Variants in LAT observed in about 807,000 individuals in gnomAD.
LAT encodes linker for activation of T cells, also known as linker for activation of T-cells family member 1.
Under a neutral mutation model 39.1 loss-of-function variants are expected in LAT, and 12 were observed. The ratio of observed to expected loss-of-function variants is 0.31; its 90% CI spans 0.20 to 0.50. The LOEUF is 0.50. LAT is among the 20% of genes least tolerant of loss of function. The pLI, the probability that LAT is intolerant of heterozygous loss-of-function variation, is 0.98. For synonymous variants in LAT, 117 were observed against 123.8 expected, an observed-to-expected ratio of 0.95 and a Z score of 0.36; for missense variants, 253 against 308.0, an observed-to-expected ratio of 0.82 and a Z score of 1.34.
Position 28,985,533 on chromosome 16 carries a change from G to A in LAT, c.100+16G>A. ...AGACTGCCAGGTGAGTGGGAAACTG[G>A]TGGGGGTACCCAGGGCCCAGGGACA... On this transcript the variant is annotated intron_variant, in intron 1 of 11. Coordinates refer to ENST00000395456, the MANE Select transcript of LAT (RefSeq NM_001014987.2). The surrounding 1 kb of genome is among the most constrained non-coding windows in gnomAD (Gnocchi z 4.6). 2 of 1,612,126 alleles carry A rather than the reference G, an allele frequency of 1.2e-6. No individual in the cohort carries two copies. Among genetic ancestry groups the A allele is most frequent in the East Asian group, 2.2e-5 (1 of 44,846 alleles).
upstream of LAT, chr16:28,984,898 C>T (rs1334733928): frequency 2.6e-6 from 4 of 1,548,678 alleles, no homozygotes; most frequent in Non-Finnish European, 3.5e-6. Context: ...GGTGGCTGTC[C>T]CCGTCTTGGG....
intron 8 of LAT, 70 bp from the exon 9 acceptor site, chr16:28,989,457 G>A: frequency 7.1e-7 from 1 of 1,414,916 alleles, no homozygotes; most frequent in Non-Finnish European, 9.7e-7. Context: ...GCTGAGGTTG[G>A]GGGTTCTCTG....
chr16:28,985,083 G>C lies in LAT; in HGVS notation c.-335G>C. The C allele has an allele frequency of 7.0e-7, 1 of 1,427,500 alleles. No individual in the cohort carries two copies. Among genetic ancestry groups the C allele is most frequent in the Non-Finnish European group, 9.1e-7 (1 of 1,095,606 alleles). The allele number at this position is 1,427,500 out of a possible 1,614,324, so 88.4% of individuals were successfully genotyped here. A position where few individuals can be genotyped will look rare whatever the true frequency, so the allele number is the denominator to read the frequency against. Reference sequence around the variant, plus strand: ...TCCTGCCGCAGGCGGGCGGGAGGGCGGGCACGGAGAGGCGGGCGCCGAGGA... The same window carrying C: ...TCCTGCCGCAGGCGGGCGGGAGGGCCGGCACGGAGAGGCGGGCGCCGAGGA... On this transcript the variant is annotated 5_prime_UTR_variant, in exon 1 of 12. Coordinates refer to ENST00000395456, the MANE Select transcript of LAT (RefSeq NM_001014987.2). This position sits in a 1 kb window ranked among gnomAD's most constrained non-coding sequence, Gnocchi z 4.6.
chr16:28,989,877 C>G (rs1373929371), intron 10 of LAT, 38 bp downstream of exon 10: 1 of 1,613,958 alleles, frequency 6.2e-7, no homozygotes, highest in Admixed American at 1.7e-5. Flanking sequence ...GGGGTAGCTG[C>G]TTTGGGCTTG....
rs1411067316 is a variant in LAT, at chr16:28,986,321, T to G, written c.246-61T>G. ...TTGGATTGGGGGCCCCTTTCCCTTT[T>G]GCAACTGCTGTTGCCCCCTGAGCCC... is the stretch of plus-strand genomic sequence containing the variant. On this transcript the variant is annotated intron_variant, in intron 4 of 11. Coordinates refer to ENST00000395456, the MANE Select transcript of LAT (RefSeq NM_001014987.2). This position sits in a 1 kb window ranked among gnomAD's most constrained non-coding sequence, Gnocchi z 5.7. The G allele has an allele frequency of 1.9e-6, 3 of 1,595,798 alleles. No homozygotes were observed. In the Admixed American group the frequency reaches 5.1e-5, roughly 27 times the overall value.
rs546066720 is a variant in LAT, at chr16:28,990,458, G to A, written c.*277G>A. ...AGGCCTGCGTGTGTCTGTGTTGAGC[G>A]TGCGTCTGTGTGTGCCTGTGTGCGA... On this transcript the variant is annotated 3_prime_UTR_variant, in exon 12 of 12. Coordinates refer to ENST00000395456, the MANE Select transcript of LAT (RefSeq NM_001014987.2). 5 of 342,482 alleles carry A rather than the reference G, an allele frequency of 1.5e-5. No individual in the cohort carries two copies. Among genetic ancestry groups the A allele is most frequent in the East Asian group, 8.1e-5 (1 of 12,368 alleles). The allele number at this position is 342,482 out of a possible 1,614,324, so 21.2% of individuals were successfully genotyped here. A position where few individuals can be genotyped will look rare whatever the true frequency, so the allele number is the denominator to read the frequency against.
Position 28,990,579 on chromosome 16 carries a change from C to A in LAT, c.*398C>A, listed in dbSNP as rs776362054. ...GCTCAGCCAGGTGCTGTGACACCCC[C>A]CTTCTGAATGAAGCCTTCTGACCTG... On this transcript the variant is annotated 3_prime_UTR_variant, in exon 12 of 12. Transcript: ENST00000395456. The A allele has an allele frequency of 2.5e-5, 6 of 244,892 alleles. No individual in the cohort carries two copies. The highest frequency in any genetic ancestry group is 8.1e-6 in the Non-Finnish European group (1 of 123,530). The allele number at this position is 244,892 out of a possible 1,614,324, so 15.2% of individuals were successfully genotyped here.
At chr16:28,989,197 C>A in intron 8 of LAT, 1 of 259,048 alleles carries the variant, frequency 3.9e-6, no homozygotes, top group Non-Finnish European at 7.4e-6. Context: ...CCCACTGCTC[C>A]GAGCCGCACT....
rs139206035 is a variant in LAT, at chr16:28,986,822, C to T, written c.422C>T (p.Pro141Leu). The T allele has an allele frequency of 3.8e-4, 613 of 1,614,072 alleles. No individual in the cohort carries two copies. The highest frequency in any genetic ancestry group is 4.7e-4 in the Non-Finnish European group (549 of 1,179,970). ...GYLVVLPDSTPATSTAAPSAP... is the reference protein window; with the variant it reads ...GYLVVLPDSTLATSTAAPSAP... ...AGGGTGGTGCTTCCTGACAGCACCCCGGCCACTAGCACTGCTGCCCCATCA... is the reference window on the plus strand; with the variant it reads ...AGGGTGGTGCTTCCTGACAGCACCCTGGCCACTAGCACTGCTGCCCCATCA... Residue 141 changes from proline to leucine, a missense_variant, in exon 8 of 12, where the codon CCG becomes CTG. Pro to Leu is a moderately conservative substitution (Grantham distance 98). Coordinates refer to ENST00000395456, the MANE Select transcript of LAT (RefSeq NM_001014987.2). This position sits in a 1 kb window ranked among gnomAD's most constrained non-coding sequence, Gnocchi z 5.7.
At position 28,986,276 on chromosome 16, in the gene LAT, C is replaced by G; in HGVS notation, c.245+60C>G. 2 of 1,541,034 alleles carry G rather than the reference C, an allele frequency of 1.3e-6. No individual in the cohort carries two copies. Among genetic ancestry groups the G allele is most frequent in the Non-Finnish European group, 1.8e-6 (2 of 1,125,610 alleles). ...TCAGCCCCTCCCCCTCCAAACTCCA[C>G]TCTCTACCCCTTCACTTTTTTGGAT... On this transcript the variant is annotated intron_variant, in intron 4 of 11. Coordinates refer to ENST00000395456, the MANE Select transcript of LAT (RefSeq NM_001014987.2). This position sits in a 1 kb window ranked among gnomAD's most constrained non-coding sequence, Gnocchi z 5.7.
At chr16:28,989,308 C>T (rs1005889092) in intron 8 of LAT, 3 of 552,430 alleles carry the variant, frequency 5.4e-6, no homozygotes, top group Non-Finnish European at 9.6e-6. Context: ...TCTCCACAGC[C>T]CTTGCCCTTG....
chr16:28,989,381 C>T (rs1175518462), intron 8 of LAT, 146 bp from the exon 9 acceptor site: 2 of 679,066 alleles, frequency 2.9e-6, no homozygotes, highest in Non-Finnish European at 5.1e-6. Context: ...TCTCTTCATT[C>T]TGTGGGGCTA....
intron 9 of LAT, 64 bp downstream of exon 9, chr16:28,989,653 T>A: frequency 6.3e-7 from 1 of 1,586,246 alleles, no homozygotes; most frequent in South Asian, 1.1e-5. Context: ...GCTCTCAGTG[T>A]GACCAGATCC....
chr16:28,986,979 G>A lies in LAT; in HGVS notation c.493+86G>A. The stretch of plus-strand genomic sequence containing the variant: ...TGCCATTGTAGCTCGCTGCAGCCTT[G>A]AACTCCTGGGCTCCAGTGATCCTCC... On this transcript the variant is annotated intron_variant, in intron 8 of 11. Coordinates refer to ENST00000395456, the MANE Select transcript of LAT (RefSeq NM_001014987.2). The surrounding 1 kb of genome is among the most constrained non-coding windows in gnomAD (Gnocchi z 5.7). The A allele has an allele frequency of 8.9e-7, 1 of 1,122,422 alleles. No individual in the cohort carries two copies. Among genetic ancestry groups the A allele is most frequent in the Non-Finnish European group, 1.3e-6 (1 of 783,046 alleles). 69.5% of individuals were successfully genotyped at this position (1,122,422 alleles called of 1,614,324 possible).
rs562491820 is a variant in LAT, at chr16:28,990,042, A to C, written c.*7+23A>C. The C allele has an allele frequency of 3.8e-6, 6 of 1,588,536 alleles. No individual in the cohort carries two copies. The South Asian group carries it at 6.8e-5, about 18-fold the overall frequency. On this transcript the variant is annotated intron_variant, in intron 11 of 11. Coordinates refer to ENST00000395456, the MANE Select transcript of LAT (RefSeq NM_001014987.2). Reference sequence around the variant, plus strand: ...CTGGTGAGAGGCCTGCCCTGTCCCCACCCTGCCCTGGGCCCACAGGCTCTA... The same window carrying C: ...CTGGTGAGAGGCCTGCCCTGTCCCCCCCCTGCCCTGGGCCCACAGGCTCTA...
Position 28,990,395 on chromosome 16 carries a change from C to G in LAT, c.*214C>G, listed in dbSNP as rs1159027239. On this transcript the variant is annotated 3_prime_UTR_variant, in exon 12 of 12. Transcript: ENST00000395456. ...CCTTCTGACGCAGCCTGAGAATGAC[C>G]TGCCCTGGCCCCAGCCCTACTCTGT... is the stretch of plus-strand genomic sequence containing the variant. The G allele has an allele frequency of 2.3e-6, 1 of 430,526 alleles. No homozygotes were observed. The highest frequency in any genetic ancestry group is 4.5e-6 in the Non-Finnish European group (1 of 220,218). 26.7% of individuals were successfully genotyped at this position (430,526 alleles called of 1,614,324 possible). A position where few individuals can be genotyped will look rare whatever the true frequency, so the allele number is the denominator to read the frequency against.
At chr16:28,988,531 C>G (rs914545884) in intron 8 of LAT, 1 of 152,000 alleles carries the variant, frequency 6.6e-6, no homozygotes, top group Non-Finnish European at 1.5e-5. Flanking sequence ...GCCAACATGG[C>G]GAAACCCAGT....
Position 28,986,957 on chromosome 16 carries a change from C to T in LAT, c.493+64C>T. The stretch of plus-strand genomic sequence containing the variant: ...GGGATAGGCTGGAGTGCAGTGGTGC[C>T]ATTGTAGCTCGCTGCAGCCTTGAAC... On this transcript the variant is annotated intron_variant, in intron 8 of 11. Coordinates refer to ENST00000395456, the MANE Select transcript of LAT (RefSeq NM_001014987.2). This position sits in a 1 kb window ranked among gnomAD's most constrained non-coding sequence, Gnocchi z 5.7. 1 of 1,336,228 alleles carries T rather than the reference C, an allele frequency of 7.5e-7. No individual in the cohort carries two copies. The allele number at this position is 1,336,228 out of a possible 1,614,324, so 82.8% of individuals were successfully genotyped here.
chr16:28,985,555 G>T lies in LAT; in HGVS notation c.100+38G>T, dbSNP rs376181529. 3 of 1,607,362 alleles carry T rather than the reference G, an allele frequency of 1.9e-6. No homozygotes were observed. Among genetic ancestry groups the T allele is most frequent in the Non-Finnish European group, 2.6e-6 (3 of 1,175,650 alleles). On this transcript the variant is annotated intron_variant, in intron 1 of 11. Coordinates refer to ENST00000395456, the MANE Select transcript of LAT (RefSeq NM_001014987.2). This position sits in a 1 kb window ranked among gnomAD's most constrained non-coding sequence, Gnocchi z 4.6. ...CTGGTGGGGGTACCCAGGGCCCAGG[G>T]ACACCGACGGGATCCTCATCCACTC...
Sources: allele counts gnomAD v4.1 joint callset, GRCh38; gene constraint gnomAD v4.1.1; non-coding constraint Gnocchi (gnomAD v3.1); transcripts MANE v1.5; gene names NCBI Gene and HGNC (gene_info 2026-07-23, HGNC 2026-07-21).